Variants in ACOXL observed in about 807,000 individuals in gnomAD.
The protein encoded by ACOXL is acyl-coenzyme A oxidase-like protein.
ACOXL carries 70 observed loss-of-function variants against 71.9 expected under a neutral mutation model. That is an observed-to-expected ratio of 0.97 (90% confidence interval 0.80 to 1.19). ACOXL has a LOEUF of 1.19. Among genes scored for constraint, ACOXL ranks in the 50% most tolerant of loss-of-function variants. The probability of loss-of-function intolerance (pLI) is 0.00; values close to 1 mark genes in which losing one functional copy is unlikely to be tolerated. For missense variants in ACOXL, 703 were observed against 736.3 expected (o/e 0.95, Z 0.52); for synonymous variants, 253 against 281.6 (o/e 0.90, Z 1.02).
At chr2:110,798,882 A>G in intron 6 of ACOXL, 132 bp from the exon 7 acceptor site, 2 of 1,140,728 alleles carry the variant, frequency 1.8e-6, no homozygotes, top group South Asian at 1.3e-5. Flanking sequence ...TTTTGACATT[A>G]TATGCTCTCA....
intron 1 of ACOXL, among the ~76,000 whole-genome samples, chr2:110,743,934 G>T (rs1172050593): frequency 6.6e-6 from 1 of 152,230 alleles, no homozygotes; most frequent in Non-Finnish European, 1.5e-5. Context: ...TCCTCTTGAA[G>T]TAAAATGCTC....
At chr2:110,943,082 AGAG>A (rs1200042454) in intron 12 of ACOXL, among the ~76,000 whole-genome samples, 2 of 142,210 alleles carry the variant, frequency 1.4e-5, no homozygotes, top group Non-Finnish European at 3.1e-5. Context: ...GAAGAAAAGA[AGAG>A]AGGGAGGGAG....
chr2:111,074,156 C>T (rs1475878368), intron 16 of ACOXL, among the ~76,000 whole-genome samples: 1 of 148,642 alleles, frequency 6.7e-6, no homozygotes, highest in Non-Finnish European at 1.5e-5. Context: ...GGGACATTTA[C>T]TGTGTGTTGT....
intron 10 of ACOXL, among the ~76,000 whole-genome samples, chr2:110,844,711 C>A (rs546161580): frequency 6.6e-6 from 1 of 152,082 alleles, no homozygotes; most frequent in African/African-American, 2.4e-5. Context: ...TCACGCCCAG[C>A]TAATTTTTTA....
intron 10 of ACOXL, among the ~76,000 whole-genome samples, chr2:110,898,367 T>G (rs1301049952): frequency 6.6e-6 from 1 of 152,164 alleles, no homozygotes; most frequent in African/African-American, 2.4e-5. Context: ...AAATGGAATT[T>G]AGCAATATAA....
chr2:110,938,461 G>A (rs1260890510), intron 12 of ACOXL, among the ~76,000 whole-genome samples: 1 of 152,222 alleles, frequency 6.6e-6, no homozygotes. Flanking sequence ...ATGGTGCTTG[G>A]CACATATGGA....
chr2:110,784,614 G>A lies in ACOXL; in HGVS notation c.76-118G>A, dbSNP rs987250522. ...GGAATTGTTTCTTAATTTAAAAACTGCTTTTACTGTGTTTATTTTTTATTA... is the reference window on the plus strand; with the variant it reads ...GGAATTGTTTCTTAATTTAAAAACTACTTTTACTGTGTTTATTTTTTATTA... On this transcript the variant is annotated intron_variant, in intron 2 of 17. Transcript: ENST00000439055. 6 of 699,112 alleles carry A rather than the reference G, an allele frequency of 8.6e-6. No homozygotes were observed. In the Admixed American group the frequency reaches 1.0e-4, roughly 12 times the overall value. The allele number at this position is 699,112 out of a possible 1,614,324, so 43.3% of individuals were successfully genotyped here. A position where few individuals can be genotyped will look rare whatever the true frequency, so the allele number is the denominator to read the frequency against.
chr2:110,831,369 C>CA (rs768075111), intron 9 of ACOXL, among the ~76,000 whole-genome samples: 45 of 152,120 alleles, frequency 3.0e-4, no homozygotes, highest in Non-Finnish European at 7.4e-5. Context: ...TATAATTGCT[C>CA]AAAAAATACA....
intron 16 of ACOXL, among the ~76,000 whole-genome samples, chr2:111,050,487 C>G (rs2066237649): frequency 1.3e-5 from 2 of 152,206 alleles, no homozygotes; most frequent in African/African-American, 4.8e-5. Flanking sequence ...CTTCCAGGTG[C>G]AGGCTGGCTT....
intron 9 of ACOXL, among the ~76,000 whole-genome samples, chr2:110,825,566 T>G (rs981196): frequency 0.024 from 3,586 of 152,262 alleles, 62 homozygotes; most frequent in South Asian, 0.05. Context: ...TGGAGATTTT[T>G]TTCCAAATTA....
chr2:110,946,122 G>A (rs576582450), intron 12 of ACOXL, among the ~76,000 whole-genome samples: 60 of 152,266 alleles, frequency 3.9e-4, no homozygotes, highest in Middle Eastern at 3.4e-3. Context: ...ACATGTGAAC[G>A]TTAGCTTTAT....
At chr2:110,831,754 G>C (rs1373610559) in intron 9 of ACOXL, among the ~76,000 whole-genome samples, 1 of 152,118 alleles carries the variant, frequency 6.6e-6, no homozygotes, top group African/African-American at 2.4e-5. Flanking sequence ...GAGCAGATTA[G>C]GCATCCCAGA....
intron 12 of ACOXL, chr2:110,963,854 G>A: frequency 8.0e-7 from 1 of 1,243,196 alleles, no homozygotes; most frequent in Non-Finnish European, 1.1e-6. Flanking sequence ...TAGCTGAACA[G>A]GGGATTACGT....
intron 2 of ACOXL, among the ~76,000 whole-genome samples, chr2:110,773,624 C>T (rs778884399): frequency 3.3e-5 from 5 of 152,216 alleles, no homozygotes; most frequent in Non-Finnish European, 7.3e-5. Flanking sequence ...CCGCCCTGGC[C>T]TTGGCTCCCT....
intron 12 of ACOXL, among the ~76,000 whole-genome samples, chr2:110,970,870 A>G (rs2062154654): frequency 6.6e-6 from 1 of 152,224 alleles, no homozygotes; most frequent in Admixed American, 6.5e-5. Flanking sequence ...AAGCTTTTAG[A>G]AAAAAGTTAG....
intron 10 of ACOXL, among the ~76,000 whole-genome samples, chr2:110,853,026 C>T (rs1181596481): frequency 4.6e-5 from 7 of 152,218 alleles, no homozygotes. Context: ...AATGTTCCTC[C>T]TCCAGAGAAC....
At chr2:110,819,610 G>A (rs1454313446) in intron 9 of ACOXL, among the ~76,000 whole-genome samples, 6 of 152,176 alleles carry the variant, frequency 3.9e-5, no homozygotes, top group African/African-American at 7.2e-5. Flanking sequence ...GAAGCGAAGA[G>A]GAGGGAATTC....
intron 10 of ACOXL, among the ~76,000 whole-genome samples, chr2:110,900,276 G>C (rs1429324784): frequency 6.6e-6 from 1 of 152,098 alleles, no homozygotes; most frequent in East Asian, 1.9e-4. Context: ...TTAGTGCTTT[G>C]TTTGGGAAAA....
chr2:110,894,301 T>C (rs1443643184), intron 10 of ACOXL, among the ~76,000 whole-genome samples: 1 of 146,166 alleles, frequency 6.8e-6, no homozygotes, highest in Admixed American at 6.9e-5. Context: ...CTGGTGAAGC[T>C]GACCACCCAG....
Sources: allele counts gnomAD v4.1 joint callset (sites outside exome capture counted in the v4.1 genomes callset), GRCh38; gene constraint gnomAD v4.1.1; transcripts MANE v1.5; gene names NCBI Gene and HGNC (gene_info 2026-07-23, HGNC 2026-07-21).